NME6: variants seen among roughly 807,000 people sequenced by gnomAD.
NME6 encodes NME/NM23 nucleoside diphosphate kinase 6.
A neutral mutation model predicts 22.2 loss-of-function variants in NME6; 16 were observed. That is an observed-to-expected ratio of 0.72 (90% CI 0.49 to 1.09). The LOEUF is 1.09. Ranked by LOEUF, NME6 falls within the 50% of genes least tolerant of loss-of-function variation. The probability of loss-of-function intolerance (pLI) is 0.00; values close to 1 mark genes in which losing one functional copy is unlikely to be tolerated. For synonymous variants in NME6, 58 were observed against 85.2 expected (o/e 0.68, Z 1.76); for missense variants, 229 against 239.0 (o/e 0.96, Z 0.28).
intron 2 of NME6, chr3:48,298,168 T>C (rs764318343): frequency 1.8e-5 from 9 of 500,946 alleles, no homozygotes; most frequent in Non-Finnish European, 2.9e-5. Context: ...TAATGTGTTA[T>C]GTAGCAATAG....
At chr3:48,296,983 C>T (rs1007586979) in intron 2 of NME6, among the ~76,000 whole-genome samples, 154 bp from the exon 3 acceptor site, 2 of 152,170 alleles carry the variant, frequency 1.3e-5, no homozygotes, top group Non-Finnish European at 2.9e-5. Flanking sequence ...TTCAGTCACA[C>T]AGCCAGAGTG....
At chr3:48,295,751 T>C (rs1399813554) in intron 4 of NME6, 1 of 245,184 alleles carries the variant, frequency 4.1e-6, no homozygotes, top group African/African-American at 2.3e-5. Context: ...GTTTCACTCT[T>C]GTTGCCCAGG....
rs147691869 is a variant in NME6, at chr3:48,298,448, G to A, written c.69C>T (p.Val23=). 77 of 1,613,958 alleles carry A rather than the reference G, an allele frequency of 4.8e-5. No homozygotes were observed. The highest frequency in any genetic ancestry group is 6.0e-5 in the Non-Finnish European group (71 of 1,179,964). The part of the protein sequence containing the change: ...LTLALIKPDA[V]AHPLILEAVH... ...TTACCTCCAGAATCAGTGGATGGGC[G>A]ACTGCGTCAGGCTTGATCAGGGCTA... Residue 23 remains valine (V), a synonymous_variant, in exon 2 of 6, where the codon GTC becomes GTT. Transcript: ENST00000442597.
intron 1 of NME6, chr3:48,300,184 A>T: frequency 2.2e-6 from 1 of 455,416 alleles, no homozygotes; most frequent in Non-Finnish European, 4.4e-6. Context: ...TCCCCTCCTT[A>T]ACCCTTTAAA....
In NME6 at chr3:48,294,677, A is replaced by G; in HGVS notation, c.521T>C (p.Val174Ala). The change falls in exon 6 of 6, where the codon GTC becomes GCC. Residue 174 changes from valine (V) to alanine (A), a missense_variant. Val to Ala is a moderately conservative substitution (Grantham distance 64). Coordinates refer to ENST00000442597, the MANE Select transcript of NME6 (RefSeq NM_001308426.2). ...GCCTCCTGTTCCAGCTACATAGTGGACACCTCCCTCTGGGCTATAGCACAC... is the reference window on the plus strand; with the variant it reads ...GCCTCCTGTTCCAGCTACATAGTGGGCACCTCCCTCTGGGCTATAGCACAC... ...GPVCYSPEGG[V>A]HYVAGTGGLG... The G allele has an allele frequency of 3.7e-6, 6 of 1,614,134 alleles. No homozygotes were observed. Among genetic ancestry groups the G allele is most frequent in the Non-Finnish European group, 5.1e-6 (6 of 1,180,026 alleles).
downstream of NME6, chr3:48,292,053 CCA>C (rs1575309640): frequency 6.6e-6 from 1 of 152,292 alleles, no homozygotes; most frequent in Admixed American, 6.5e-5. Context: ...GCGTGAGCCA[CCA>C]TACCTGGCCA....
At chr3:48,301,054 A>C (rs867426239) in intron 1 of NME6, among the ~76,000 whole-genome samples, 4 of 151,582 alleles carry the variant, frequency 2.6e-5, no homozygotes, top group Admixed American at 1.3e-4. Flanking sequence ...CTCCAAAACA[A>C]AAAAAAAGTA....
At chr3:48,300,627 C>T (rs1226480830) in intron 1 of NME6, 1 of 284,204 alleles carries the variant, frequency 3.5e-6, no homozygotes, top group African/African-American at 2.2e-5. Flanking sequence ...GTGGCAAGAA[C>T]ACGCGGCCTG....
chr3:48,291,542 CTAAGTT>C (rs1353568627), downstream of NME6: 3 of 172,638 alleles, frequency 1.7e-5, no homozygotes, highest in Non-Finnish European at 3.7e-5. Context: ...CCACACCCAG[CTAAGTT>C]TTTTATTTTT....
intron 2 of NME6, 108 bp downstream of exon 2, chr3:48,298,319 C>G (rs2035321568): frequency 2.0e-6 from 2 of 976,818 alleles, no homozygotes; most frequent in Admixed American, 1.9e-5. Flanking sequence ...TTTGCCTCCA[C>G]AGCATCCAGC....
rs1244117845 is a variant in NME6 at position 48,295,108 on chromosome 3, G to A, written c.361C>T (p.Leu121Phe). The stretch of plus-strand genomic sequence containing the variant: ...TGGGTGGTGTTGCGGGTGTCAGTGA[G>A]GCCGAAACTCCCACGGATAGAATCT... Reference protein sequence around the residue: ...APDSIRGSFGLTDTRNTTHGS... With the variant: ...APDSIRGSFGFTDTRNTTHGS... Residue 121 changes from leucine (L) to phenylalanine (F), a missense_variant, in exon 5 of 6, where the codon CTC becomes TTC. By Grantham distance (22) the Leu-to-Phe change is conservative. Coordinates refer to ENST00000442597, the MANE Select transcript of NME6 (RefSeq NM_001308426.2). 2.5e-6 allele frequency: 4 copies of A among 1,614,156 alleles called. No individual in the cohort carries two copies. The highest frequency in any genetic ancestry group is 2.2e-5 in the East Asian group (1 of 44,874).
downstream of NME6, chr3:48,291,231 G>A (rs2034434602): frequency 7.8e-6 from 3 of 384,020 alleles, no homozygotes; most frequent in South Asian, 4.3e-5. Flanking sequence ...AGCAGGAAGG[G>A]TATTGGGGAA....
chr3:48,296,677 T>C (rs1475537791), intron 3 of NME6, 50 bp downstream of exon 3: 6 of 1,289,238 alleles, frequency 4.7e-6, no homozygotes, highest in Non-Finnish European at 6.7e-6. Context: ...ATCTCTCTTA[T>C]GGCCTCTTGG....
At chr3:48,294,979 G>T in intron 5 of NME6, 96 bp downstream of exon 5, 1 of 1,481,960 alleles carries the variant, frequency 6.7e-7, no homozygotes, top group Non-Finnish European at 9.2e-7. Flanking sequence ...AAACACAAAT[G>T]GAAGAAAGCT....
chr3:48,299,060 A>G (rs2035431574), intron 1 of NME6: 5 of 694,658 alleles, frequency 7.2e-6, no homozygotes, highest in African/African-American at 5.3e-5. Flanking sequence ...TTCTAATATT[A>G]TGGAGAGATC....
intron 1 of NME6, among the ~76,000 whole-genome samples, chr3:48,301,051 AC>A (rs2035642945): frequency 6.6e-6 from 1 of 151,872 alleles, no homozygotes; most frequent in East Asian, 1.9e-4. Context: ...CGTCTCCAAA[AC>A]AAAAAAAAAG....
chr3:48,296,592 C>G (rs1176652149), intron 3 of NME6, 135 bp downstream of exon 3: 1 of 654,508 alleles, frequency 1.5e-6, no homozygotes, highest in South Asian at 2.0e-5. Context: ...GTGTTTTAAA[C>G]CAAGATTTTA....
At position 48,300,509 on chromosome 3, in the gene NME6, A is replaced by T. The variant is rs114236308; in HGVS notation, c.-8+844T>A. The T allele has an allele frequency of 9.6e-3, 3,610 of 374,976 alleles. 31 individuals carry two copies. The highest frequency in any genetic ancestry group is 0.013 in the Non-Finnish European group (2,486 of 193,166). 23.2% of individuals were successfully genotyped at this position (374,976 alleles called of 1,614,324 possible). On this transcript the variant is annotated intron_variant, in intron 1 of 5. Transcript: ENST00000442597. ...TCCCTTCAGTTCCGTCTTCACCACC[A>T]GAAGGTGTAAGCAGTACCTAGCACA...
chr3:48,289,125 C>A (rs572563763), downstream of NME6, among the ~76,000 whole-genome samples: 1 of 151,784 alleles, frequency 6.6e-6, no homozygotes, highest in South Asian at 2.1e-4. Flanking sequence ...AGTGCAATGG[C>A]GTGATCTCAG....
Sources: allele counts gnomAD v4.1 joint callset (sites outside exome capture counted in the v4.1 genomes callset), GRCh38; gene constraint gnomAD v4.1.1; transcripts MANE v1.5; gene names NCBI Gene and HGNC (gene_info 2026-07-23, HGNC 2026-07-21).